Variants in ZNF544 observed in about 807,000 individuals in gnomAD.
The protein encoded by ZNF544 is zinc finger protein 544, also known as zinc finger protein AF020591.
A neutral mutation model predicts 13.5 loss-of-function variants in ZNF544; 10 were observed. That is an observed-to-expected ratio of 0.74 (90% CI 0.46 to 1.25). The LOEUF is 1.25. Among genes scored for constraint, ZNF544 ranks in the 50% most tolerant of loss-of-function variants. ZNF544 has a pLI of 0.00. For missense variants in ZNF544, 896 were observed against 845.6 expected (o/e 1.06, Z -0.74); for synonymous variants, 323 against 300.5 (o/e 1.07, Z -0.77).
At chr19:58,271,017 G>T (rs960650187) in intron 5 of ZNF544, among the ~76,000 whole-genome samples, 1 of 151,890 alleles carries the variant, frequency 6.6e-6, no homozygotes, top group Non-Finnish European at 1.5e-5. Context: ...TTTGAGACCA[G>T]CCTGGCCAAC....
Position 58,262,240 on chromosome 19 carries a change from A to G in ZNF544, c.1634A>G (p.Glu545Gly), listed in dbSNP as rs147004482. 1 of 1,614,096 alleles carries G rather than the reference A, an allele frequency of 6.2e-7. No homozygotes were observed. Among genetic ancestry groups the G allele is most frequent in the Non-Finnish European group, 8.5e-7 (1 of 1,180,016 alleles). ...LITHQRIHTG[E>G]KPYQCIECGK... ...ACGCATCAGCGAATTCACACTGGAG[A>G]AAAACCGTATCAGTGTATTGAATGT... is the stretch of plus-strand genomic sequence containing the variant. The change falls in exon 7 of 7, where the codon GAA becomes GGA. Residue 545 changes from glutamate to glycine, a missense_variant. Physicochemically the swap from Glu to Gly is moderately conservative, Grantham distance 98. Transcript: ENST00000687789.
chr19:58,241,020 G>A (rs540613218), intron 3 of ZNF544, among the ~76,000 whole-genome samples: 6 of 149,226 alleles, frequency 4.0e-5, no homozygotes, highest in African/African-American at 1.2e-4. Flanking sequence ...CACCGAGGCT[G>A]GAGTGTGGTG....
chr19:58,256,334 A>G (rs1680018993), intron 6 of ZNF544, among the ~76,000 whole-genome samples: 1 of 151,680 alleles, frequency 6.6e-6, no homozygotes, highest in Non-Finnish European at 1.5e-5. Flanking sequence ...AAAATACGCC[A>G]CACTTTGAGA....
chr19:58,277,306 C>T (rs1241873122), exon 7 of ZNF544: 2 of 1,208,158 alleles, frequency 1.7e-6, no homozygotes, highest in East Asian at 3.2e-5. Context: ...TTGAGCCCCT[C>T]GGGAGTCAGC....
chr19:58,266,771 G>A (rs1051518220), downstream of ZNF544: 28 of 152,130 alleles, frequency 1.8e-4, no homozygotes, highest in African/African-American at 5.8e-4. Flanking sequence ...TAGGGAAGGA[G>A]TCATGTGCTA....
At chr19:58,244,276 A>G (rs1355367977) in intron 4 of ZNF544, among the ~76,000 whole-genome samples, 2 of 151,694 alleles carry the variant, frequency 1.3e-5, no homozygotes, top group African/African-American at 4.8e-5. Context: ...CAAGTCTCCC[A>G]TGCCTGTTCC....
intron 3 of ZNF544, chr19:58,242,404 C>G: frequency 2.3e-6 from 1 of 435,524 alleles, no homozygotes. Flanking sequence ...TTTTTTTTGT[C>G]TGAGACTATG....
chr19:58,268,155 C>T (rs958824814), downstream of ZNF544, among the ~76,000 whole-genome samples: 3 of 150,938 alleles, frequency 2.0e-5, no homozygotes, highest in Admixed American at 1.3e-4. Flanking sequence ...CAAAATTAGC[C>T]GGGCATGGTG....
chr19:58,264,658 T>C (rs2049614960), downstream of ZNF544, among the ~76,000 whole-genome samples: 1 of 151,962 alleles, frequency 6.6e-6, no homozygotes, highest in Non-Finnish European at 1.5e-5. Context: ...GCCACTGCAC[T>C]CTAGCTTGGG....
intron 5 of ZNF544, among the ~76,000 whole-genome samples, chr19:58,275,532 T>C (rs1993463): frequency 6.9e-6 from 1 of 145,362 alleles, no homozygotes; most frequent in Non-Finnish European, 1.5e-5. Flanking sequence ...AAAAAAAAAA[T>C]AGGCTGGGCA....
chr19:58,246,633 A>G (rs2045281677), intron 5 of ZNF544, 78 bp from the exon 6 acceptor site: 2 of 1,549,734 alleles, frequency 1.3e-6, no homozygotes, highest in Non-Finnish European at 8.8e-7. Flanking sequence ...GGACAGCACT[A>G]GGGGCTGAAG....
intron 3 of ZNF544, among the ~76,000 whole-genome samples, chr19:58,240,994 C>T (rs1296234548): frequency 6.7e-6 from 1 of 149,058 alleles, no homozygotes. Context: ...TTGTTTGAGA[C>T]AGGGTCTCAT....
At position 58,241,553 on chromosome 19, in the gene ZNF544, G is replaced by C. The variant is rs914474645; in HGVS notation, c.-59-2412G>C. Among the ~76,000 whole-genome samples, 3 of 150,160 alleles carry C rather than the reference G, an allele frequency of 2.0e-5. No homozygotes were observed. The East Asian group carries it at 5.9e-4, about 30-fold the overall frequency. The stretch of plus-strand genomic sequence containing the variant: ...GCTCTGTCACCCAGGCTGGAGTGCA[G>C]TAGTGCGATCTCAGCTCACTGCAAG... On this transcript the variant is annotated intron_variant, in intron 3 of 6. Transcript: ENST00000687789.
At chr19:58,253,939 T>C (rs901173817) in intron 6 of ZNF544, among the ~76,000 whole-genome samples, 5 of 152,234 alleles carry the variant, frequency 3.3e-5, no homozygotes, top group African/African-American at 9.6e-5. Flanking sequence ...CCAACTTCTT[T>C]AGTAAAGATT....
intron 5 of ZNF544, among the ~76,000 whole-genome samples, chr19:58,275,783 C>CAAAAAAAAAAAAAAAAAAAAAAAA (rs57148438): frequency 1.5e-5 from 1 of 66,224 alleles, no homozygotes; most frequent in African/African-American, 6.0e-5. Context: ...GACCCTGTCT[C>CAAAAAAAAAAAAAAAAAAAAAAAA]AAAAAAAAAA....
rs1007833194 is a variant in ZNF544, at chr19:58,246,878, G to A, written c.244+84G>A. ...TCCGCAGGGCCCCAGGGGCCAAGGA[G>A]GGAGCCTTGTTTGGAGGAAGCCTCC... On this transcript the variant is annotated intron_variant, in intron 6 of 6. Transcript: ENST00000687789. The A allele has an allele frequency of 2.9e-6, 4 of 1,381,096 alleles. No individual in the cohort carries two copies. The African/African-American group carries it at 5.8e-5, about 20-fold the overall frequency. The allele number at this position is 1,381,096 out of a possible 1,614,324, so 85.6% of individuals were successfully genotyped here. A position where few individuals can be genotyped will look rare whatever the true frequency, so the allele number is the denominator to read the frequency against.
Position 58,262,980 on chromosome 19 carries a change from C to T in ZNF544, c.*226C>T, listed in dbSNP as rs1600406050. Reference sequence around the variant, plus strand: ...CTTAGTAAACACGAGAGGACACACACTGGAGGCAAACCCTATGAATGTGAC... The same window carrying T: ...CTTAGTAAACACGAGAGGACACACATTGGAGGCAAACCCTATGAATGTGAC... On this transcript the variant is annotated 3_prime_UTR_variant, in exon 7 of 7. Coordinates refer to ENST00000687789, the MANE Select transcript of ZNF544 (RefSeq NM_014480.4). 3 of 1,357,896 alleles carry T rather than the reference C, an allele frequency of 2.2e-6. No homozygotes were observed. The East Asian group carries it at 8.5e-5, about 39-fold the overall frequency. 84.1% of individuals were successfully genotyped at this position (1,357,896 alleles called of 1,614,324 possible).
At chr19:58,237,734 A>G (rs919498314) in intron 3 of ZNF544, among the ~76,000 whole-genome samples, 3 of 151,978 alleles carry the variant, frequency 2.0e-5, no homozygotes, top group African/African-American at 7.3e-5. Context: ...TGCAGCAGAC[A>G]CCCCAGTGTG....
rs1329546445 is a variant in ZNF544, at chr19:58,241,157, A to AT, written c.-59-2805dup. On this transcript the variant is annotated intron_variant, in intron 3 of 6. Coordinates refer to ENST00000687789, the MANE Select transcript of ZNF544 (RefSeq NM_014480.4). ...CAGCCAATTTAAAATATATATATAT[A>AT]TTTAAATATATATATATATATATTT... 6.8e-3 allele frequency among the ~76,000 whole-genome samples: 615 copies of AT among 90,512 alleles called. 40 individuals are homozygous for AT. The highest frequency in any genetic ancestry group is 0.023 in the Middle Eastern group (4 of 174). 59.4% of individuals were successfully genotyped at this position (90,512 alleles called of 152,430 possible).
Sources: gnomAD v4.1 joint callset for allele counts (sites outside exome capture counted in the v4.1 genomes callset) on GRCh38, gnomAD v4.1.1 for gene constraint, MANE v1.5 for transcripts, NCBI Gene and HGNC (gene_info 2026-07-23, HGNC 2026-07-21) for gene names.